Variants in COL23A1 observed in about 807,000 individuals in gnomAD.
COL23A1 encodes collagen type XXIII alpha 1 chain.
COL23A1 carries 97 observed loss-of-function variants against 99.3 expected under a neutral mutation model. The observed-to-expected ratio is 0.98, with a 90% CI of 0.83 to 1.16. COL23A1 has a LOEUF of 1.16. Among genes scored for constraint, COL23A1 ranks in the 50% most tolerant of loss-of-function variants. COL23A1 has a pLI of 0.00. For synonymous variants in COL23A1, 320 were observed against 308.2 expected, an observed-to-expected ratio of 1.04 and a Z score of -0.40; for missense variants, 762 against 757.4, an observed-to-expected ratio of 1.01 and a Z score of -0.07.
intron 2 of COL23A1, among the ~76,000 whole-genome samples, chr5:178,505,707 A>G (rs1288603866): frequency 6.6e-6 from 1 of 152,210 alleles, no homozygotes. Context: ...TTGAAGGGGC[A>G]CAATTCAACC....
intron 2 of COL23A1, among the ~76,000 whole-genome samples, chr5:178,550,742 T>C (rs943653719): frequency 6.6e-6 from 1 of 152,066 alleles, no homozygotes. Flanking sequence ...GCTCCTGGCA[T>C]AGGGGGGCGT....
chr5:178,287,655 C>T (rs1757229263), intron 5 of COL23A1, among the ~76,000 whole-genome samples: 1 of 152,164 alleles, frequency 6.6e-6, no homozygotes, highest in Non-Finnish European at 1.5e-5. Flanking sequence ...CCTGGAGGCA[C>T]AAAATGAATC....
chr5:178,423,279 C>G (rs1765732724), intron 2 of COL23A1, among the ~76,000 whole-genome samples: 1 of 152,088 alleles, frequency 6.6e-6, no homozygotes, highest in African/African-American at 2.4e-5. Flanking sequence ...AGCACTGGGT[C>G]CAGCCTGAAT....
chr5:178,300,668 C>T (rs977428272), intron 3 of COL23A1, among the ~76,000 whole-genome samples: 3 of 151,936 alleles, frequency 2.0e-5, no homozygotes, highest in African/African-American at 4.8e-5. Context: ...AAGCAACTCT[C>T]GTGCCTCAGC....
intron 2 of COL23A1, among the ~76,000 whole-genome samples, chr5:178,350,273 T>C (rs1315545580): frequency 6.6e-6 from 1 of 152,242 alleles, no homozygotes; most frequent in Non-Finnish European, 1.5e-5. Flanking sequence ...AGCGTGCTTC[T>C]ATTTCTCCAT....
intron 22 of COL23A1, 42 bp downstream of exon 22, chr5:178,247,484 A>C: frequency 6.2e-7 from 1 of 1,611,792 alleles, no homozygotes; most frequent in Non-Finnish European, 8.5e-7. Flanking sequence ...AACTGCCCAG[A>C]CGGTGAGTCT....
intron 2 of COL23A1, among the ~76,000 whole-genome samples, chr5:178,342,401 C>T (rs1296491179): frequency 6.6e-6 from 1 of 152,238 alleles, no homozygotes; most frequent in Non-Finnish European, 1.5e-5. Context: ...TCTTCACCCA[C>T]CTGGCCTTCA....
chr5:178,475,027 C>G (rs1465104374), intron 2 of COL23A1, among the ~76,000 whole-genome samples: 1 of 152,218 alleles, frequency 6.6e-6, no homozygotes, highest in Admixed American at 6.5e-5. Context: ...AGATCCATCA[C>G]TGCAATTTCT....
At chr5:178,470,373 C>A (rs184258049) in intron 2 of COL23A1, among the ~76,000 whole-genome samples, 1 of 152,288 alleles carries the variant, frequency 6.6e-6, no homozygotes, top group East Asian at 1.9e-4. Flanking sequence ...GCCGAGCAGA[C>A]CCCTGGAAAC....
chr5:178,527,403 A>C (rs1016941832), intron 2 of COL23A1, among the ~76,000 whole-genome samples: 2 of 152,028 alleles, frequency 1.3e-5, no homozygotes, highest in African/African-American at 4.8e-5. Flanking sequence ...TCCTGAGATC[A>C]GCGGTTGACC....
At chr5:178,324,624 C>T (rs1236493928) in intron 2 of COL23A1, among the ~76,000 whole-genome samples, 3 of 152,168 alleles carry the variant, frequency 2.0e-5, no homozygotes, top group Admixed American at 6.5e-5. Flanking sequence ...CAAGGGAGGG[C>T]GAGTCACTGG....
At chr5:178,381,312 C>A (rs1483549706) in intron 2 of COL23A1, among the ~76,000 whole-genome samples, 2 of 152,344 alleles carry the variant, frequency 1.3e-5, no homozygotes, top group East Asian at 1.9e-4. Context: ...GGGGACCCTG[C>A]CGGCTCCCCT....
intron 2 of COL23A1, among the ~76,000 whole-genome samples, chr5:178,421,830 T>C (rs1039400686): frequency 5.9e-5 from 9 of 152,144 alleles, no homozygotes; most frequent in African/African-American, 1.7e-4. Flanking sequence ...GATGGCGTCA[T>C]TGCACTCTAA....
At chr5:178,575,776 T>C (rs1161506036) in intron 1 of COL23A1, among the ~76,000 whole-genome samples, 1 of 152,102 alleles carries the variant, frequency 6.6e-6, no homozygotes, top group East Asian at 1.9e-4. Flanking sequence ...CATGAGCCAT[T>C]GTGTTGGGGG....
intron 2 of COL23A1, among the ~76,000 whole-genome samples, chr5:178,479,263 C>A (rs1757198603): frequency 6.6e-6 from 1 of 152,168 alleles, no homozygotes; most frequent in African/African-American, 2.4e-5. Context: ...AGGGGTAAAG[C>A]CCCCTGCCCC....
chr5:178,501,651 A>C (rs984125349), intron 2 of COL23A1, among the ~76,000 whole-genome samples: 1 of 151,916 alleles, frequency 6.6e-6, no homozygotes, highest in Non-Finnish European at 1.5e-5. Flanking sequence ...CTGGTATGAT[A>C]GAGGGCATTA....
In COL23A1 at chr5:178,307,069, T is replaced by C. The variant is rs1034665837; in HGVS notation, c.362-150A>G. On this transcript the variant is annotated intron_variant, in intron 2 of 28. Transcript: ENST00000390654. The surrounding 1 kb of genome is among the most constrained non-coding windows in gnomAD (Gnocchi z 4.2). ...GGTCTGCTGGCTGTGGAGGGGGAGA[T>C]GCGTGGGGAGAAACCCCTTCCTTCT... The C allele has an allele frequency of 1.9e-5, 10 of 529,608 alleles. No homozygotes were observed. The highest frequency in any genetic ancestry group is 2.0e-5 in the African/African-American group (1 of 49,720). 32.8% of individuals were successfully genotyped at this position (529,608 alleles called of 1,614,324 possible). A position where few individuals can be genotyped will look rare whatever the true frequency, so the allele number is the denominator to read the frequency against.
At chr5:178,320,944 G>A (rs899892011) in intron 2 of COL23A1, among the ~76,000 whole-genome samples, 6 of 152,220 alleles carry the variant, frequency 3.9e-5, no homozygotes, top group Admixed American at 1.3e-4. Context: ...CAGGCTGTGC[G>A]CTCAGCCATA....
intron 2 of COL23A1, among the ~76,000 whole-genome samples, chr5:178,402,394 C>T (rs1764499368): frequency 6.6e-6 from 1 of 152,024 alleles, no homozygotes; most frequent in Non-Finnish European, 1.5e-5. Context: ...AGAGAGTAGA[C>T]TGGTGGCTCC....
Sources: gnomAD v4.1 joint callset for allele counts (sites outside exome capture counted in the v4.1 genomes callset) on GRCh38, gnomAD v4.1.1 for gene constraint, Gnocchi (gnomAD v3.1) non-coding constraint, MANE v1.5 for transcripts, NCBI Gene and HGNC (gene_info 2026-07-23, HGNC 2026-07-21) for gene names.